The following GSE1 variants were observed in gnomAD, a reference collection of about 807,000 sequenced individuals.
GSE1 encodes the protein genetic suppressor element 1.
In GSE1, 32 loss-of-function variants were observed where a neutral mutation model predicts 112.6. The ratio of observed to expected loss-of-function variants is 0.28; its 90% CI spans 0.21 to 0.38. The LOEUF (loss-of-function observed/expected upper bound fraction) is 0.38. GSE1 is among the 10% of genes least tolerant of loss of function. The probability of loss-of-function intolerance (pLI) is 1.00; values close to 1 mark genes in which losing one functional copy is unlikely to be tolerated. For synonymous variants in GSE1, 1,115 were observed against 735.6 expected (o/e 1.52, Z -8.35); for missense variants, 2,348 against 1,699.2 (o/e 1.38, Z -6.71).
chr16:85,546,631 C>G (rs188230390), intron 2 of GSE1, among the ~76,000 whole-genome samples: 25 of 152,178 alleles, frequency 1.6e-4, no homozygotes, highest in Admixed American at 9.2e-4. Context: ...TAACAAAGAC[C>G]TAGGAAGAGA....
At chr16:85,287,285 G>T (rs969933411) in intron 1 of GSE1, among the ~76,000 whole-genome samples, 1 of 152,238 alleles carries the variant, frequency 6.6e-6, no homozygotes, top group Non-Finnish European at 1.5e-5. Flanking sequence ...TCGGGCTGAC[G>T]CATGGGGCCG....
intron 1 of GSE1, among the ~76,000 whole-genome samples, chr16:85,348,467 C>T (rs979671778): frequency 3.3e-5 from 5 of 152,208 alleles, no homozygotes; most frequent in Non-Finnish European, 5.9e-5. Context: ...TACCTTCACT[C>T]CCGCCCAGGT....
intron 1 of GSE1, among the ~76,000 whole-genome samples, chr16:85,266,117 AG>A (rs768463395): frequency 1.3e-5 from 2 of 152,104 alleles, no homozygotes; most frequent in Admixed American, 6.5e-5. Context: ...GAGGCTCCCC[AG>A]GGAGGTGGGG....
intron 2 of GSE1, among the ~76,000 whole-genome samples, chr16:85,372,907 G>T (rs1272148062): frequency 6.6e-6 from 1 of 152,194 alleles, no homozygotes; most frequent in East Asian, 1.9e-4. Context: ...CTTGCTGACG[G>T]TCGTCCCGCC....
intron 2 of GSE1, among the ~76,000 whole-genome samples, chr16:85,469,105 A>G (rs1021810852): frequency 2.6e-5 from 4 of 152,100 alleles, no homozygotes; most frequent in African/African-American, 7.2e-5. Context: ...AAATACAAAA[A>G]GTTAGCTGGG....
intron 1 of GSE1, among the ~76,000 whole-genome samples, chr16:85,250,256 G>A (rs1906320347): frequency 6.6e-6 from 1 of 152,184 alleles, no homozygotes; most frequent in Admixed American, 6.5e-5. Context: ...TTTCCAGGGA[G>A]GCCTGGCAAA....
intron 2 of GSE1, among the ~76,000 whole-genome samples, chr16:85,465,828 A>G (rs1174423124): frequency 2.0e-5 from 3 of 152,254 alleles, no homozygotes; most frequent in Non-Finnish European, 4.4e-5. Context: ...AGTATGTAGT[A>G]GGTGCCCAAT....
chr16:85,516,177 C>G (rs1040867848), intron 2 of GSE1, among the ~76,000 whole-genome samples: 1 of 151,952 alleles, frequency 6.6e-6, no homozygotes, highest in African/African-American at 2.4e-5. Context: ...GGACCAGACC[C>G]CTGGAGTACT....
intron 14 of GSE1, 51 bp from the exon 15 acceptor site, chr16:85,670,944 C>A (rs753673068): frequency 8.8e-7 from 1 of 1,141,046 alleles, no homozygotes; most frequent in Non-Finnish European, 1.3e-6. Flanking sequence ...ACAAAGCGGG[C>A]CTTCGGGCTC....
At chr16:85,295,079 T>C (rs924863771) in intron 1 of GSE1, among the ~76,000 whole-genome samples, 1 of 151,980 alleles carries the variant, frequency 6.6e-6, no homozygotes, top group Non-Finnish European at 1.5e-5. Context: ...CACCTCCTAA[T>C]ACCATCACCT....
At chr16:85,421,273 C>A (rs565638727) in intron 2 of GSE1, among the ~76,000 whole-genome samples, 1 of 152,178 alleles carries the variant, frequency 6.6e-6, no homozygotes, top group African/African-American at 2.4e-5. Context: ...GGGGGTCTCT[C>A]GGGCCCTGGC....
At chr16:85,220,629 GCCCGC>G (rs2075374393) in intron 1 of GSE1, among the ~76,000 whole-genome samples, 1 of 152,098 alleles carries the variant, frequency 6.6e-6, no homozygotes, top group Non-Finnish European at 1.5e-5. Context: ...GCCCGCTGCT[GCCCGC>G]TGCTGCCCGC....
intron 1 of GSE1, among the ~76,000 whole-genome samples, chr16:85,227,582 C>T (rs2075510567): frequency 6.6e-6 from 1 of 152,148 alleles, no homozygotes; most frequent in East Asian, 1.9e-4. Flanking sequence ...TGGGCAGTCT[C>T]TTGGGAGAGC....
chr16:85,266,596 G>C (rs1908270431), intron 1 of GSE1, among the ~76,000 whole-genome samples: 1 of 152,144 alleles, frequency 6.6e-6, no homozygotes, highest in South Asian at 2.1e-4. Context: ...GATGGATCTG[G>C]TGCAGAGCTG....
intron 1 of GSE1, among the ~76,000 whole-genome samples, chr16:85,260,319 C>CT (rs111292010): frequency 0.11 from 10,647 of 94,858 alleles, 1,108 homozygotes; most frequent in South Asian, 0.21. Context: ...TTTTTCTTTT[C>CT]TTTTTTTTTT....
chr16:85,332,734 G>A (rs545889986), intron 1 of GSE1, among the ~76,000 whole-genome samples: 74 of 152,270 alleles, frequency 4.9e-4, no homozygotes, highest in African/African-American at 1.7e-3. Context: ...GGAAACACCA[G>A]TTCGGCCTCT....
intron 2 of GSE1, among the ~76,000 whole-genome samples, chr16:85,488,882 A>AC (rs1330036684): frequency 6.7e-6 from 1 of 149,016 alleles, no homozygotes; most frequent in Non-Finnish European, 1.5e-5. Flanking sequence ...ACAGCAGAAG[A>AC]CCCCCCCATT....
chr16:85,656,604 G>A lies in GSE1; in HGVS notation c.1251G>A (p.Leu417=), dbSNP rs576122641. The part of the protein sequence containing the change: ...SFLPVAELHG[L]RGHATEERGK... Reference sequence around the variant, plus strand: ...TGCCCGTGGCCGAGCTGCATGGGCTGCGTGGCCATGCCACTGAGGAGCGGG... The same window carrying A: ...TGCCCGTGGCCGAGCTGCATGGGCTACGTGGCCATGCCACTGAGGAGCGGG... Residue 417 remains leucine, a synonymous_variant, in exon 7 of 16, where the codon CTG becomes CTA. Transcript: ENST00000253458. The A allele has an allele frequency of 1.4e-5, 21 of 1,546,060 alleles. No individual in the cohort carries two copies. In the East Asian group the frequency reaches 4.4e-4, roughly 32 times the overall value.
At chr16:85,225,637 A>G (rs2075472447) in intron 1 of GSE1, among the ~76,000 whole-genome samples, 1 of 152,164 alleles carries the variant, frequency 6.6e-6, no homozygotes, top group African/African-American at 2.4e-5. Context: ...ACAAGGATAC[A>G]TTCATTCCCC....
Sources: allele counts gnomAD v4.1 joint callset (sites outside exome capture counted in the v4.1 genomes callset), GRCh38; gene constraint gnomAD v4.1.1; transcripts MANE v1.5; gene names NCBI Gene and HGNC (gene_info 2026-07-23, HGNC 2026-07-21).